RANBP2: variants seen among roughly 807,000 people sequenced by gnomAD.
RANBP2 encodes the protein E3 SUMO-protein ligase RanBP2.
A neutral mutation model predicts 303.6 loss-of-function variants in RANBP2; 57 were observed. The ratio of observed to expected loss-of-function variants is 0.19; its 90% CI spans 0.15 to 0.23. The LOEUF is 0.23. RANBP2 is among the 10% of genes least tolerant of loss of function. The pLI, the probability that RANBP2 is intolerant of heterozygous loss-of-function variation, is 1.00. For missense variants in RANBP2, 3,138 were observed against 3,780.8 expected (o/e 0.83, Z 4.46); for synonymous variants, 1,167 against 1,301.5 (o/e 0.90, Z 2.23).
the RANBP2 span, among the ~76,000 whole-genome samples, chr2:109,373,837 C>T: frequency 6.6e-6 from 1 of 152,170 alleles, no homozygotes; most frequent in East Asian, 1.9e-4. Context: ...CTGACAGTAG[C>T]GGAGGTGGCT....
chr2:109,427,089 C>T, the RANBP2 span, among the ~76,000 whole-genome samples: 1 of 152,104 alleles, frequency 6.6e-6, no homozygotes, highest in African/African-American at 2.4e-5. Flanking sequence ...TGGCCCTAGC[C>T]TCCCTAGTAG....
chr2:109,412,461 A>G, the RANBP2 span, among the ~76,000 whole-genome samples: 1 of 152,222 alleles, frequency 6.6e-6, no homozygotes, highest in Non-Finnish European at 1.5e-5. Context: ...GACAGCAGGC[A>G]TGGTAACAAC....
the RANBP2 span, among the ~76,000 whole-genome samples, chr2:109,213,021 G>A: frequency 2.0e-5 from 3 of 152,214 alleles, no homozygotes; most frequent in Non-Finnish European, 2.9e-5. Flanking sequence ...TCGGCAGCAG[G>A]GTAGGAGTGC....
At chr2:109,600,109 G>C in the RANBP2 span, among the ~76,000 whole-genome samples, 112 of 152,264 alleles carry the variant, frequency 7.4e-4, 2 homozygotes, top group Non-Finnish European at 1.2e-3. Flanking sequence ...GGTAGTTGAA[G>C]ACTGGGCACA....
At chr2:109,626,896 G>A in the RANBP2 span, among the ~76,000 whole-genome samples, 42 of 152,246 alleles carry the variant, frequency 2.8e-4, no homozygotes, top group Non-Finnish European at 5.1e-4. Flanking sequence ...CTTTGTGGGT[G>A]TCCATAACGG....
the RANBP2 span, among the ~76,000 whole-genome samples, chr2:109,262,002 G>C: frequency 2.0e-5 from 3 of 152,106 alleles, no homozygotes; most frequent in Admixed American, 2.0e-4. Context: ...ATAAAACCAG[G>C]TCCCCTAAGA....
the RANBP2 span, among the ~76,000 whole-genome samples, chr2:109,421,331 G>A: frequency 6.6e-6 from 1 of 152,202 alleles, no homozygotes; most frequent in Non-Finnish European, 1.5e-5. Context: ...CTGTACACAG[G>A]CTCTCAGTAG....
At chr2:109,583,818 A>G in the RANBP2 span, among the ~76,000 whole-genome samples, 2 of 152,190 alleles carry the variant, frequency 1.3e-5, no homozygotes, top group African/African-American at 2.4e-5. Flanking sequence ...AAAAAAGAAC[A>G]AAATCAAGTC....
chr2:109,679,276 G>C, the RANBP2 span, among the ~76,000 whole-genome samples: 1 of 152,324 alleles, frequency 6.6e-6, no homozygotes, highest in African/African-American at 2.4e-5. Context: ...CTGCATGTCA[G>C]GCAACTCACA....
At chr2:109,091,642 G>T in the RANBP2 span, among the ~76,000 whole-genome samples, 1 of 152,190 alleles carries the variant, frequency 6.6e-6, no homozygotes, top group Non-Finnish European at 1.5e-5. Context: ...GTGGCTACCT[G>T]CCCATGGTTT....
chr2:108,806,268 T>C, the RANBP2 span, among the ~76,000 whole-genome samples: 1 of 152,216 alleles, frequency 6.6e-6, no homozygotes, highest in Admixed American at 6.5e-5. Context: ...TACCACTCTC[T>C]TGTGAGGATT....
At chr2:109,671,337 C>T in the RANBP2 span, among the ~76,000 whole-genome samples, 1 of 151,998 alleles carries the variant, frequency 6.6e-6, no homozygotes, top group Non-Finnish European at 1.5e-5. Context: ...TGGTAGGAGC[C>T]TTGTAGGGAG....
chr2:109,616,017 A>G, the RANBP2 span: 4 of 1,525,892 alleles, frequency 2.6e-6, no homozygotes, highest in African/African-American at 5.6e-5. Flanking sequence ...ACGACCTGTT[A>G]AAGGCCACTC....
the RANBP2 span, among the ~76,000 whole-genome samples, chr2:109,488,717 A>G: frequency 6.6e-6 from 1 of 152,216 alleles, no homozygotes; most frequent in African/African-American, 2.4e-5. Flanking sequence ...GACTCGGGAA[A>G]CACCACACTT....
intron 5 of RANBP2, 109 bp from the exon 6 acceptor site, chr2:108,735,995 T>G: frequency 6.2e-7 from 1 of 1,605,284 alleles, no homozygotes; most frequent in South Asian, 1.1e-5. Context: ...AAAATCAATA[T>G]AGTTTCACAA....
chr2:108,836,210 T>G, the RANBP2 span, among the ~76,000 whole-genome samples: 1 of 152,158 alleles, frequency 6.6e-6, no homozygotes, highest in Non-Finnish European at 1.5e-5. Flanking sequence ...ATTTTCTGCT[T>G]CAATGAATTT....
At chr2:109,398,679 C>G in the RANBP2 span, 1 of 1,609,516 alleles carries the variant, frequency 6.2e-7, no homozygotes, top group Non-Finnish European at 8.5e-7. Context: ...CCTCTGACTC[C>G]GGCGCTGTGG....
At chr2:109,192,954 C>T in the RANBP2 span, among the ~76,000 whole-genome samples, 1 of 152,044 alleles carries the variant, frequency 6.6e-6, no homozygotes, top group Non-Finnish European at 1.5e-5. Flanking sequence ...GGGTGTTTTG[C>T]AAGAAGAAGA....
the RANBP2 span, chr2:109,613,402 G>C: frequency 5.2e-4 from 172 of 328,350 alleles, 1 homozygote; most frequent in South Asian, 4.3e-3. Context: ...CGGCGGCAGG[G>C]AGGCTCGGAA....
Sources: gnomAD v4.1 joint callset for allele counts (sites outside exome capture counted in the v4.1 genomes callset) on GRCh38, gnomAD v4.1.1 for gene constraint, MANE v1.5 for transcripts, NCBI Gene and HGNC (gene_info 2026-07-23, HGNC 2026-07-21) for gene names.